SNX25: variants seen among roughly 807,000 people sequenced by gnomAD.
SNX25 encodes sorting nexin 25.
Under a neutral mutation model 113.7 loss-of-function variants are expected in SNX25, and 62 were observed. That is an observed-to-expected ratio of 0.55 (90% confidence interval 0.44 to 0.67). The LOEUF (loss-of-function observed/expected upper bound fraction) is 0.67, where lower values mean the gene tolerates loss of function less well. Among genes scored for constraint, SNX25 ranks in the 30% least tolerant of loss-of-function variants. The pLI is 0.00. For missense variants in SNX25, 1,014 were observed against 1,161.0 expected (o/e 0.87, Z 1.84); for synonymous variants, 421 against 436.2 (o/e 0.97, Z 0.43).
At chr4:185,221,033 A>ATT (rs34885137) in intron 1 of SNX25, among the ~76,000 whole-genome samples, 11 of 141,520 alleles carry the variant, frequency 7.8e-5, no homozygotes, top group African/African-American at 2.1e-4. Flanking sequence ...CACCCAGCTA[A>ATT]TTTTTTTTTT....
At chr4:185,317,920 A>T (rs1477810730) in intron 7 of SNX25, among the ~76,000 whole-genome samples, 1 of 152,206 alleles carries the variant, frequency 6.6e-6, no homozygotes, top group Non-Finnish European at 1.5e-5. Flanking sequence ...CATTCTGTTC[A>T]TGTATCCCAG....
intron 16 of SNX25, among the ~76,000 whole-genome samples, chr4:185,361,065 A>T (rs2095360806): frequency 6.6e-6 from 1 of 152,062 alleles, no homozygotes; most frequent in Non-Finnish European, 1.5e-5. Flanking sequence ...TTCTTGGGGA[A>T]TTTTGAAATT....
chr4:185,266,416 A>C (rs914395312), intron 4 of SNX25, among the ~76,000 whole-genome samples: 1 of 152,148 alleles, frequency 6.6e-6, no homozygotes, highest in East Asian at 1.9e-4. Flanking sequence ...GCTGGAGTGC[A>C]GTGGCGAGAT....
At chr4:185,208,937 T>C (rs140632670), upstream of SNX25, among the ~76,000 whole-genome samples, 108 of 152,326 alleles carry the variant, frequency 7.1e-4, no homozygotes, top group Middle Eastern at 3.4e-3. Flanking sequence ...TAAAAATTAT[T>C]TGGACCACGT....
At chr4:185,254,592 ACAT>A (rs1746131255) in intron 2 of SNX25, among the ~76,000 whole-genome samples, 1 of 152,204 alleles carries the variant, frequency 6.6e-6, no homozygotes, top group Non-Finnish European at 1.5e-5. Context: ...CGATTACCTA[ACAT>A]CCTGTTGTCT....
downstream of SNX25, chr4:185,366,045 T>C (rs2095387044): frequency 6.6e-6 from 1 of 152,236 alleles, no homozygotes. Context: ...GTTGGGATGG[T>C]TGTGATTTAT....
At chr4:185,370,881 G>T (rs926344169), downstream of SNX25, 6 of 1,509,178 alleles carry the variant, frequency 4.0e-6, no homozygotes, top group African/African-American at 2.7e-5. Flanking sequence ...AAAACGATGC[G>T]CCTAGAGACT....
the SNX25 span, chr4:185,375,516 G>GTGTATATATATATATATATGTA: frequency 6.4e-5 from 3 of 46,688 alleles, no homozygotes; most frequent in African/African-American, 2.6e-4. Context: ...ATATATATAT[G>GTGTATATATATATATATATGTA]TATATATATA....
chr4:185,321,774 T>C (rs2095122036), intron 8 of SNX25, among the ~76,000 whole-genome samples: 2 of 152,112 alleles, frequency 1.3e-5, no homozygotes, highest in South Asian at 4.1e-4. Flanking sequence ...ACTGAAAATA[T>C]TTGGGGGGAA....
rs755499714 is a variant in SNX25 at position 185,334,437 on chromosome 4, C to T, written c.1914+1678C>T. Among the ~76,000 whole-genome samples, 4 of 152,150 alleles carry T rather than the reference C, an allele frequency of 2.6e-5. No homozygotes were observed. Among genetic ancestry groups the T allele is most frequent in the Admixed American group, 2.6e-4 (4 of 15,286 alleles). Reference sequence around the variant, plus strand: ...TGTCATCAGAAATAGTTCATTCTCCCCCTTATGTGGAGTCACTCCCATTTA... The same window carrying T: ...TGTCATCAGAAATAGTTCATTCTCCTCCTTATGTGGAGTCACTCCCATTTA... On this transcript the variant is annotated intron_variant, in intron 10 of 18. Coordinates refer to ENST00000652585, the MANE Select transcript of SNX25 (RefSeq NM_001378034.2). This position sits in a 1 kb window ranked among gnomAD's most constrained non-coding sequence, Gnocchi z 4.2.
chr4:185,297,185 T>C (rs1752953180), intron 6 of SNX25, among the ~76,000 whole-genome samples: 1 of 152,232 alleles, frequency 6.6e-6, no homozygotes, highest in Non-Finnish European at 1.5e-5. Flanking sequence ...ATTGGCTACA[T>C]GTTACTATTT....
chr4:185,256,094 C>G (rs932876266), intron 2 of SNX25, among the ~76,000 whole-genome samples: 6 of 152,026 alleles, frequency 3.9e-5, no homozygotes, highest in African/African-American at 1.4e-4. Context: ...TTTGTTTTAC[C>G]TTCCTTTTTG....
chr4:185,297,963 T>G lies in SNX25; in HGVS notation c.1162+9881T>G, dbSNP rs77260883. The stretch of plus-strand genomic sequence containing the variant: ...AACCTAAGTCAACCTTGTTGATTCC[T>G]TCTCCCTTGTATACTTTATCCAGTC... On this transcript the variant is annotated intron_variant, in intron 6 of 18. Transcript: ENST00000652585. Among the ~76,000 whole-genome samples the G allele has an allele frequency of 6.2e-3, 942 of 152,310 alleles. 16 individuals are homozygous for G. The highest frequency in any genetic ancestry group is 0.049 in the South Asian group (238 of 4,832).
At chr4:185,375,427 G>T in the SNX25 span, among the ~76,000 whole-genome samples, 1 of 112,364 alleles carries the variant, frequency 8.9e-6, no homozygotes, top group Non-Finnish European at 1.7e-5. Flanking sequence ...TTGCACTCCA[G>T]CCTGGGCGAC....
downstream of SNX25, among the ~76,000 whole-genome samples, chr4:185,368,683 A>G (rs1033118803): frequency 6.6e-6 from 1 of 152,180 alleles, no homozygotes; most frequent in Non-Finnish European, 1.5e-5. Context: ...AACTGAGTAC[A>G]GTATTCTAGA....
intron 6 of SNX25, among the ~76,000 whole-genome samples, chr4:185,303,445 G>C (rs1422630620): frequency 2.0e-5 from 3 of 151,886 alleles, no homozygotes; most frequent in Non-Finnish European, 4.4e-5. Flanking sequence ...GGATCACGAG[G>C]TCAGGAGATC....
At chr4:185,303,600 A>G (rs1754018297) in intron 6 of SNX25, among the ~76,000 whole-genome samples, 1 of 148,170 alleles carries the variant, frequency 6.7e-6, no homozygotes, top group South Asian at 2.2e-4. Flanking sequence ...CGGAGCTTGC[A>G]GTAATCTGAG....
At position 185,229,634 on chromosome 4, in the gene SNX25, A is replaced by G. The variant is rs186641068; in HGVS notation, c.430-17660A>G. Among the ~76,000 whole-genome samples, 679 of 152,272 alleles carry G rather than the reference A, an allele frequency of 4.5e-3. 4 individuals carry two copies. The highest frequency in any genetic ancestry group is 0.017 in the Middle Eastern group (5 of 294). On this transcript the variant is annotated intron_variant, in intron 1 of 18. Coordinates refer to ENST00000652585, the MANE Select transcript of SNX25 (RefSeq NM_001378034.2). ...TGGGTGTGCCAGCGTCATTCAGGCC[A>G]TTCTCTTGTGGCTGTGCTCAGGCAC... is the stretch of plus-strand genomic sequence containing the variant.
intron 9 of SNX25, among the ~76,000 whole-genome samples, chr4:185,328,124 A>G (rs924750399): frequency 3.9e-5 from 6 of 152,220 alleles, no homozygotes. Flanking sequence ...CAACACATGT[A>G]TAGCCACACA....
Sources: gnomAD v4.1 joint callset for allele counts (sites outside exome capture counted in the v4.1 genomes callset) on GRCh38, gnomAD v4.1.1 for gene constraint, Gnocchi (gnomAD v3.1) non-coding constraint, MANE v1.5 for transcripts, NCBI Gene and HGNC (gene_info 2026-07-23, HGNC 2026-07-21) for gene names.